Variants in MYT1L observed in about 807,000 individuals in gnomAD.
MYT1L encodes the protein myelin transcription factor 1-like protein.
A neutral mutation model predicts 126.7 loss-of-function variants in MYT1L; 12 were observed. That is an observed-to-expected ratio of 0.09 (90% CI 0.06 to 0.15). The LOEUF is 0.15. Among genes scored for constraint, MYT1L ranks in the 10% least tolerant of loss-of-function variants. The pLI is 1.00. For synonymous variants in MYT1L, 541 were observed against 604.2 expected (o/e 0.90, Z 1.53); for missense variants, 979 against 1,585.2 (o/e 0.62, Z 6.49).
At chr2:1,934,493 C>T (rs1056702750) in intron 9 of MYT1L, among the ~76,000 whole-genome samples, 2 of 151,612 alleles carry the variant, frequency 1.3e-5, no homozygotes, top group African/African-American at 2.4e-5. Flanking sequence ...ATTTATAAAG[C>T]TTTGAGGGTC....
intron 2 of MYT1L, among the ~76,000 whole-genome samples, chr2:2,261,291 CTA>C (rs373319527): frequency 6.6e-6 from 1 of 152,300 alleles, no homozygotes; most frequent in Non-Finnish European, 1.5e-5. Flanking sequence ...CACTTATACA[CTA>C]TGTCTTTTGA....
chr2:2,285,921 C>T (rs774519800), intron 1 of MYT1L, among the ~76,000 whole-genome samples: 7 of 152,174 alleles, frequency 4.6e-5, no homozygotes, highest in Admixed American at 6.5e-5. Flanking sequence ...TGCAGGCTAG[C>T]CTCCAGTTTC....
At chr2:2,140,185 G>A (rs1237594468) in intron 3 of MYT1L, among the ~76,000 whole-genome samples, 2 of 152,096 alleles carry the variant, frequency 1.3e-5, no homozygotes, top group Non-Finnish European at 2.9e-5. Flanking sequence ...ACATTGATGA[G>A]CATTACTGTT....
intron 2 of MYT1L, among the ~76,000 whole-genome samples, chr2:2,223,763 A>T (rs2093943180): frequency 6.6e-6 from 1 of 152,224 alleles, no homozygotes; most frequent in African/African-American, 2.4e-5. Context: ...TCTACCCAGC[A>T]TATTTTATGT....
rs201058740 is a variant in MYT1L, at chr2:1,890,823, T to TCCC, written c.2283+1211_2283+1213dup. ...GAAGATGCTTGGAATGAGACCTCCATCCCCGGAGCTGTTACCTTGATAAAT... is the reference window on the plus strand; with the variant it reads ...GAAGATGCTTGGAATGAGACCTCCATCCCCCCCGGAGCTGTTACCTTGATAAAT... On this transcript the variant is annotated intron_variant, in intron 15 of 24. Coordinates refer to ENST00000647738, the MANE Select transcript of MYT1L (RefSeq NM_001303052.2). Among the ~76,000 whole-genome samples the TCCC allele has an allele frequency of 4.6e-3, 696 of 152,254 alleles. 6 individuals are homozygous for TCCC. Among genetic ancestry groups the TCCC allele is most frequent in the African/African-American group, 0.016 (663 of 41,548 alleles).
At chr2:2,303,259 CCGTGGTT>C (rs1271636401) in intron 1 of MYT1L, among the ~76,000 whole-genome samples, 1 of 152,202 alleles carries the variant, frequency 6.6e-6, no homozygotes, top group African/African-American at 2.4e-5. Flanking sequence ...CTTTGAGTGG[CCGTGGTT>C]CCACGGCATG....
intron 3 of MYT1L, among the ~76,000 whole-genome samples, chr2:2,061,378 G>T (rs1157595151): frequency 2.6e-5 from 4 of 152,130 alleles, no homozygotes; most frequent in Admixed American, 2.6e-4. Context: ...CCCATTTGGA[G>T]CCCCTCTAAG....
intron 3 of MYT1L, among the ~76,000 whole-genome samples, chr2:2,118,053 T>A (rs912933830): frequency 6.0e-5 from 9 of 150,920 alleles, no homozygotes; most frequent in African/African-American, 2.2e-4. Flanking sequence ...TTGTCAGGGT[T>A]TTATTCTATA....
intron 3 of MYT1L, among the ~76,000 whole-genome samples, chr2:2,072,087 C>G (rs2074669309): frequency 6.6e-6 from 1 of 152,178 alleles, no homozygotes; most frequent in Admixed American, 6.5e-5. Context: ...TCAAGCTTCC[C>G]TTGAAAGAGG....
chr2:1,980,006 C>CT (rs1182911707), intron 5 of MYT1L, among the ~76,000 whole-genome samples: 1 of 152,058 alleles, frequency 6.6e-6, no homozygotes, highest in Non-Finnish European at 1.5e-5. Context: ...TCAGGAGGCC[C>CT]TTGTCCTCTA....
intron 23 of MYT1L, among the ~76,000 whole-genome samples, chr2:1,798,305 TA>T (rs1438877510): frequency 2.6e-5 from 4 of 151,914 alleles, no homozygotes; most frequent in Admixed American, 1.3e-4. Flanking sequence ...GTGTGAAATT[TA>T]AAGGCTTGGA....
intron 21 of MYT1L, among the ~76,000 whole-genome samples, chr2:1,823,998 TC>T (rs35427629): frequency 0.3 from 45,333 of 151,546 alleles, 7,814 homozygotes; most frequent in East Asian, 0.58. Flanking sequence ...AGGCCGCGCC[TC>T]CCCCCCCAGC....
chr2:2,212,019 CAG>C (rs1363790926), intron 2 of MYT1L, among the ~76,000 whole-genome samples: 1 of 152,046 alleles, frequency 6.6e-6, no homozygotes, highest in East Asian at 1.9e-4. Flanking sequence ...GTGGAAGAGT[CAG>C]GGTTCCAATG....
At chr2:2,045,079 C>G (rs1350646092) in intron 4 of MYT1L, among the ~76,000 whole-genome samples, 1 of 152,092 alleles carries the variant, frequency 6.6e-6, no homozygotes, top group Non-Finnish European at 1.5e-5. Flanking sequence ...GATAATAGAC[C>G]AAGGGCAGCC....
At chr2:2,164,579 GC>G (rs1325854619) in intron 3 of MYT1L, among the ~76,000 whole-genome samples, 2 of 152,140 alleles carry the variant, frequency 1.3e-5, no homozygotes, top group East Asian at 3.8e-4. Flanking sequence ...CCAAGACTTA[GC>G]ACAATGCCTC....
chr2:2,018,479 A>T lies in MYT1L; in HGVS notation c.-157-21132T>A, dbSNP rs571778567. Among the ~76,000 whole-genome samples, 27 of 152,302 alleles carry T rather than the reference A, an allele frequency of 1.8e-4. No homozygotes were observed. In the South Asian group the frequency reaches 5.4e-3, roughly 30 times the overall value. ...AACCCATGGGCCAATATGAAGAGCA[A>T]GATTCTCACTGGGTCATGTGCTCCA... On this transcript the variant is annotated intron_variant, in intron 4 of 24. Coordinates refer to ENST00000647738, the MANE Select transcript of MYT1L (RefSeq NM_001303052.2).
chr2:2,081,511 T>C (rs1441416874), intron 3 of MYT1L, among the ~76,000 whole-genome samples: 1 of 152,212 alleles, frequency 6.6e-6, no homozygotes, highest in African/African-American at 2.4e-5. Context: ...TAAATTAATA[T>C]ACTCTATTCT....
intron 19 of MYT1L, among the ~76,000 whole-genome samples, chr2:1,847,359 C>A (rs1454215403): frequency 6.6e-6 from 1 of 152,178 alleles, no homozygotes; most frequent in African/African-American, 2.4e-5. Context: ...TAGTGGGAGT[C>A]GGATTCCTGG....
intron 2 of MYT1L, among the ~76,000 whole-genome samples, chr2:2,226,046 G>A (rs897351194): frequency 6.6e-6 from 1 of 152,224 alleles, no homozygotes; most frequent in East Asian, 1.9e-4. Flanking sequence ...GAGGGGTGGG[G>A]ATGAACAACT....
Sources: gnomAD v4.1 joint callset for allele counts (sites outside exome capture counted in the v4.1 genomes callset) on GRCh38, gnomAD v4.1.1 for gene constraint, MANE v1.5 for transcripts, NCBI Gene and HGNC (gene_info 2026-07-23, HGNC 2026-07-21) for gene names.